HIVEP3: variants seen among roughly 807,000 people sequenced by gnomAD.
The protein encoded by HIVEP3 is HIVEP zinc finger 3.
Under a neutral mutation model 152.8 loss-of-function variants are expected in HIVEP3, and 49 were observed. The observed-to-expected ratio is 0.32, with a 90% CI of 0.26 to 0.41. The LOEUF is 0.41. Among genes scored for constraint, HIVEP3 ranks in the 10% least tolerant of loss-of-function variants. The probability of loss-of-function intolerance (pLI) is 1.00; values close to 1 mark genes in which losing one functional copy is unlikely to be tolerated. For missense variants in HIVEP3, 2,790 were observed against 3,103.3 expected (o/e 0.90, Z 2.40); for synonymous variants, 1,269 against 1,289.0 (o/e 0.98, Z 0.33).
chr1:41,862,910 C>T (rs1308238400), intron 1 of HIVEP3, among the ~76,000 whole-genome samples: 1 of 152,182 alleles, frequency 6.6e-6, no homozygotes, highest in Non-Finnish European at 1.5e-5. Context: ...GATGGTAACC[C>T]CAAGTGCAGT....
intron 1 of HIVEP3, among the ~76,000 whole-genome samples, chr1:41,829,023 C>A (rs1642883570): frequency 6.6e-6 from 1 of 152,184 alleles, no homozygotes; most frequent in African/African-American, 2.4e-5. Context: ...GGGGTGGCCT[C>A]CCTTGATGGT....
At chr1:41,998,232 T>C (rs1456991564) in intron 1 of HIVEP3, among the ~76,000 whole-genome samples, 1 of 152,134 alleles carries the variant, frequency 6.6e-6, no homozygotes, top group Non-Finnish European at 1.5e-5. Flanking sequence ...CAGTTCATAG[T>C]TCATGTCAAA....
chr1:41,790,038 T>C (rs998725153), intron 1 of HIVEP3, among the ~76,000 whole-genome samples: 1 of 152,234 alleles, frequency 6.6e-6, no homozygotes, highest in African/African-American at 2.4e-5. Flanking sequence ...CAGGTGCTAC[T>C]TTCTGACTCC....
At chr1:42,034,704 C>T (rs139820434) in intron 1 of HIVEP3, among the ~76,000 whole-genome samples, 1 of 152,298 alleles carries the variant, frequency 6.6e-6, no homozygotes, top group Non-Finnish European at 1.5e-5. Context: ...AGATTTTCTG[C>T]GCACGAAGGT....
At chr1:41,589,571 C>A (rs997712470) in intron 3 of HIVEP3, among the ~76,000 whole-genome samples, 1 of 152,196 alleles carries the variant, frequency 6.6e-6, no homozygotes, top group Admixed American at 6.5e-5. Flanking sequence ...GGTGGACACC[C>A]CAGAGGACAT....
rs1340595652 is a variant in HIVEP3 at position 41,977,651 on chromosome 1, A to G, written n.119+58156T>C. Among the ~76,000 whole-genome samples the G allele has an allele frequency of 2.0e-5, 3 of 152,240 alleles. No individual in the cohort carries two copies. In the East Asian group the frequency reaches 5.8e-4, roughly 29 times the overall value. Reference sequence around the variant, plus strand: ...GAATAAAGCAGAGGTCTGAGGAGTAATATATTCCTTGAAAAGCTGCAACAT... The same window carrying G: ...GAATAAAGCAGAGGTCTGAGGAGTAGTATATTCCTTGAAAAGCTGCAACAT... On this transcript the variant is annotated intron_variant and non_coding_transcript_variant, in intron 1 of 3. Coordinates refer to the HIVEP3 transcript ENST00000489103.
At chr1:41,586,435 C>A (rs1644507560) in intron 3 of HIVEP3, among the ~76,000 whole-genome samples, 1 of 152,210 alleles carries the variant, frequency 6.6e-6, no homozygotes, top group South Asian at 2.1e-4. Context: ...CCAGGCCTCC[C>A]ATGGCCAGAG....
At chr1:41,550,008 G>A (rs1262726393) in intron 5 of HIVEP3, among the ~76,000 whole-genome samples, 2 of 152,164 alleles carry the variant, frequency 1.3e-5, no homozygotes, top group Non-Finnish European at 1.5e-5. Context: ...ATGGTTTTAA[G>A]TCTAACATTT....
intron 1 of HIVEP3, among the ~76,000 whole-genome samples, chr1:42,006,845 G>C (rs929794925): frequency 6.6e-6 from 1 of 152,202 alleles, no homozygotes; most frequent in Non-Finnish European, 1.5e-5. Flanking sequence ...GGGACCCCTA[G>C]ATCACAATTT....
Position 41,510,666 on chromosome 1 carries a change from G to T in HIVEP3, c.7006C>A (p.Arg2336Ser), listed in dbSNP as rs200303069. The change falls in exon 9 of 9, where the codon CGT becomes AGT. Residue 2336 changes from arginine to serine, a missense_variant. Transcript: ENST00000372583. ...QSWSPRLESP[R>S]APTNPEPSAT... ...GAAGGCTCGGGGTTGGTCGGTGCAC[G>T]CGGGGACTCCAAGCGGGGGCTCCAG... The T allele has an allele frequency of 3.5e-5, 53 of 1,526,516 alleles. No homozygotes were observed. Among genetic ancestry groups the T allele is most frequent in the African/African-American group, 5.5e-5 (4 of 72,716 alleles). The allele number at this position is 1,526,516 out of a possible 1,614,324, so 94.6% of individuals were successfully genotyped here.
chr1:41,801,879 T>C (rs368344416), intron 1 of HIVEP3, among the ~76,000 whole-genome samples: 23 of 152,326 alleles, frequency 1.5e-4, no homozygotes, highest in African/African-American at 5.3e-4. Context: ...TTCGTTGCTT[T>C]GACCCCAAAA....
chr1:41,607,529 A>G (rs770872312), intron 3 of HIVEP3, among the ~76,000 whole-genome samples: 1 of 144,458 alleles, frequency 6.9e-6, no homozygotes, highest in Non-Finnish European at 1.5e-5. Context: ...TGTTAAGGAT[A>G]CTACTGATAA....
At chr1:41,843,387 G>C (rs1210040285) in intron 1 of HIVEP3, among the ~76,000 whole-genome samples, 1 of 152,190 alleles carries the variant, frequency 6.6e-6, no homozygotes, top group African/African-American at 2.4e-5. Flanking sequence ...TAAATCAGAA[G>C]TTGATTTCAA....
chr1:41,687,471 G>GC (rs1405105111), intron 2 of HIVEP3, among the ~76,000 whole-genome samples: 1 of 152,194 alleles, frequency 6.6e-6, no homozygotes, highest in Admixed American at 6.5e-5. Context: ...GCTTCATCAT[G>GC]CTCTGCCACA....
chr1:41,646,067 C>T (rs1352174857), intron 2 of HIVEP3, among the ~76,000 whole-genome samples: 1 of 152,142 alleles, frequency 6.6e-6, no homozygotes, highest in Non-Finnish European at 1.5e-5. Context: ...ATGGGAGATG[C>T]TCGGTGAAGT....
chr1:41,707,484 C>T (rs1402050367), intron 1 of HIVEP3, among the ~76,000 whole-genome samples: 2 of 152,232 alleles, frequency 1.3e-5, no homozygotes, highest in Admixed American at 6.5e-5. Context: ...TCTTAAAGGG[C>T]CAAGGCTGAG....
At chr1:42,030,763 A>G (rs1442249066) in intron 1 of HIVEP3, among the ~76,000 whole-genome samples, 2 of 152,258 alleles carry the variant, frequency 1.3e-5, no homozygotes, top group Admixed American at 1.3e-4. Flanking sequence ...GCTATTTTCT[A>G]GATTTTAAAA....
Position 41,545,026 on chromosome 1 carries a change from C to CCAT in HIVEP3, c.5208-20117_5208-20116insATG, listed in dbSNP as rs1282885164. ...ATCACCACCACCACCACTACCACCACCACCACCACCAATACCACTACCACC... is the reference window on the plus strand; with the variant it reads ...ATCACCACCACCACCACTACCACCACCATCACCACCACCAATACCACTACCACC... On this transcript the variant is annotated intron_variant, in intron 5 of 8. Transcript: ENST00000372583. Among the ~76,000 whole-genome samples, 5 of 115,608 alleles carry CCAT rather than the reference C, an allele frequency of 4.3e-5. 1 individual carries two copies. The highest frequency in any genetic ancestry group is 5.9e-5 in the Non-Finnish European group (3 of 51,098). 75.8% of individuals were successfully genotyped at this position (115,608 alleles called of 152,430 possible).
intron 3 of HIVEP3, among the ~76,000 whole-genome samples, chr1:41,618,678 G>A (rs77729364): frequency 5.8e-4 from 88 of 152,070 alleles, no homozygotes; most frequent in African/African-American, 2.0e-3. Context: ...CCAGGCCCCA[G>A]TGACCTGAGC....
Sources: allele counts gnomAD v4.1 joint callset (sites outside exome capture counted in the v4.1 genomes callset), GRCh38; gene constraint gnomAD v4.1.1; transcripts MANE v1.5; gene names NCBI Gene and HGNC (gene_info 2026-07-23, HGNC 2026-07-21).